The following WDR59 variants were observed in gnomAD, a reference collection of about 807,000 sequenced individuals.
WDR59 encodes the protein GATOR2 complex protein WDR59.
A neutral mutation model predicts 131.2 loss-of-function variants in WDR59; 100 were observed. The observed-to-expected ratio is 0.76, with a 90% CI of 0.65 to 0.90. WDR59 has a LOEUF of 0.90. Among genes scored for constraint, WDR59 ranks in the 40% least tolerant of loss-of-function variants. The pLI is 0.00. For missense variants in WDR59, 1,203 were observed against 1,262.2 expected (o/e 0.95, Z 0.71); for synonymous variants, 601 against 466.2 (o/e 1.29, Z -3.72).
chr16:74,889,514 G>A, intron 21 of WDR59, 189 bp downstream of exon 21: 4 of 567,118 alleles, frequency 7.1e-6, no homozygotes, highest in East Asian at 2.9e-5. Context: ...GACAAGTAAT[G>A]TATGGTTCTG....
At chr16:74,945,812 T>C (rs1016584539) in intron 6 of WDR59, among the ~76,000 whole-genome samples, 3 of 147,312 alleles carry the variant, frequency 2.0e-5, no homozygotes, top group Non-Finnish European at 4.5e-5. Flanking sequence ...CACATTCACA[T>C]AACTTTTTTT....
At chr16:74,941,482 T>C (rs143275837) in intron 7 of WDR59, among the ~76,000 whole-genome samples, 1,878 of 151,828 alleles carry the variant, frequency 0.012, 46 homozygotes, top group African/African-American at 0.043. Flanking sequence ...TCACTTGAGG[T>C]CGGGAGTTCA....
At chr16:74,887,500 C>T (rs1964824007) in intron 23 of WDR59, among the ~76,000 whole-genome samples, 183 bp downstream of exon 23, 1 of 152,208 alleles carries the variant, frequency 6.6e-6, no homozygotes, top group African/African-American at 2.4e-5. Flanking sequence ...CAAAGACCCC[C>T]AGAACGTGGT....
chr16:74,952,766 A>ATT (rs1157372971), intron 3 of WDR59, among the ~76,000 whole-genome samples: 7 of 148,510 alleles, frequency 4.7e-5, no homozygotes, highest in South Asian at 2.1e-4. Context: ...AATTTTTTAA[A>ATT]TTATATATAT....
intron 1 of WDR59, among the ~76,000 whole-genome samples, chr16:74,979,456 ACT>A (rs1270714451): frequency 2.8e-5 from 3 of 106,596 alleles, no homozygotes; most frequent in African/African-American, 6.9e-5. Flanking sequence ...ACAGAGTGAG[ACT>A]CTGTCTCAAA....
chr16:74,924,229 C>T (rs1029694155), intron 8 of WDR59, among the ~76,000 whole-genome samples: 7 of 152,176 alleles, frequency 4.6e-5, no homozygotes, highest in African/African-American at 1.7e-4. Context: ...ATGAGGACCA[C>T]TAAACGCGGC....
At chr16:74,978,897 A>G (rs941046825) in intron 1 of WDR59, 1 of 152,162 alleles carries the variant, frequency 6.6e-6, no homozygotes, top group Non-Finnish European at 1.5e-5. Context: ...GGAGACACGA[A>G]GTAGGCAGCC....
intron 2 of WDR59, among the ~76,000 whole-genome samples, chr16:74,957,410 G>A (rs111250665): frequency 3.3e-5 from 5 of 151,958 alleles, no homozygotes; most frequent in African/African-American, 4.8e-5. Context: ...GCTTCACATC[G>A]CCAGGCTCAG....
Position 74,906,313 on chromosome 16 carries a change from C to CAAAA in WDR59, c.1713-2217_1713-2214dup, listed in dbSNP as rs762288713. ...TGAGCGACAGAGCAAGACTCCGTCT[C>CAAAA]AAAAAAAAAAAAACCCACAGTGAGA... On this transcript the variant is annotated intron_variant, in intron 17 of 25. Coordinates refer to ENST00000262144, the MANE Select transcript of WDR59 (RefSeq NM_030581.4). 2.8e-4 allele frequency among the ~76,000 whole-genome samples: 9 copies of CAAAA among 32,464 alleles called. 1 individual carries two copies. In the Admixed American group the frequency reaches 3.0e-3, roughly 11 times the overall value. 21.3% of individuals were successfully genotyped at this position (32,464 alleles called of 152,430 possible).
Position 74,970,495 on chromosome 16 carries a change from CAAAAAAAAAAAAAAA to C in WDR59, c.55-4688_55-4674del, listed in dbSNP as rs746574195. ...GGGTGACAGAGAGAGACTCTGTCTC[CAAAAAAAAAAAAAAA>C]AAAAAAAAAAAAAAAAAGCAGCTCT... On this transcript the variant is annotated intron_variant, in intron 1 of 25. Coordinates refer to ENST00000262144, the MANE Select transcript of WDR59 (RefSeq NM_030581.4). Among the ~76,000 whole-genome samples, 147 of 33,450 alleles carry C rather than the reference CAAAAAAAAAAAAAAA, an allele frequency of 4.4e-3. 1 individual carries two copies. Among genetic ancestry groups the C allele is most frequent in the South Asian group, 0.029 (24 of 814 alleles). 21.9% of individuals were successfully genotyped at this position (33,450 alleles called of 152,430 possible).
In WDR59 at chr16:74,982,292, C is replaced by T. The variant is rs571701639; in HGVS notation, c.54+2672G>A. On this transcript the variant is annotated intron_variant, in intron 1 of 25. Transcript: ENST00000262144. ...GGGTTCCTGCCCCTTCCAATCATCA[C>T]CAGAATCACCCACAAAACCATGCTA... Among the ~76,000 whole-genome samples, 58 of 152,066 alleles carry T rather than the reference C, an allele frequency of 3.8e-4. 1 individual carries two copies. Among genetic ancestry groups the T allele is most frequent in the African/African-American group, 1.3e-3 (55 of 41,504 alleles).
At chr16:74,979,915 C>T (rs1338712071) in intron 1 of WDR59, among the ~76,000 whole-genome samples, 2 of 140,724 alleles carry the variant, frequency 1.4e-5, no homozygotes, top group African/African-American at 5.3e-5. Flanking sequence ...ATGGCGTGAT[C>T]TCAGCTCACC....
At chr16:74,883,692 C>T (rs1339152456) in intron 25 of WDR59, among the ~76,000 whole-genome samples, 1 of 152,148 alleles carries the variant, frequency 6.6e-6, no homozygotes, top group Non-Finnish European at 1.5e-5. Context: ...ACTCTCTCTG[C>T]CTTGCTCTTC....
intron 2 of WDR59, chr16:74,962,774 C>T (rs377394562): frequency 2.0e-5 from 3 of 147,326 alleles, no homozygotes; most frequent in Admixed American, 6.8e-5. Flanking sequence ...TTTCTTTTTT[C>T]TTTTTTTTTT....
chr16:74,935,923 G>C (rs978848261), intron 8 of WDR59, among the ~76,000 whole-genome samples: 3 of 151,774 alleles, frequency 2.0e-5, no homozygotes, highest in Non-Finnish European at 4.4e-5. Flanking sequence ...CTTGAACCTG[G>C]GAGACGGAGG....
At chr16:74,943,185 AATGACACCT>A (rs1472068320) in intron 6 of WDR59, among the ~76,000 whole-genome samples, 1 of 151,858 alleles carries the variant, frequency 6.6e-6, no homozygotes, top group Non-Finnish European at 1.5e-5. Flanking sequence ...CTCATCCCCA[AATGACACCT>A]GCTCGCACTC....
chr16:74,908,056 T>C (rs1046185325), intron 17 of WDR59, among the ~76,000 whole-genome samples: 1 of 152,120 alleles, frequency 6.6e-6, no homozygotes, highest in African/African-American at 2.4e-5. Flanking sequence ...GACAGAAACA[T>C]GTTCTGTTGT....
intron 1 of WDR59, among the ~76,000 whole-genome samples, chr16:74,981,177 A>G (rs2034389063): frequency 6.6e-6 from 1 of 151,708 alleles, no homozygotes; most frequent in African/African-American, 2.4e-5. Context: ...CATCCTGGCT[A>G]ACACGGTGAA....
chr16:74,923,030 C>T (rs1032466862), intron 9 of WDR59, among the ~76,000 whole-genome samples: 1 of 152,170 alleles, frequency 6.6e-6, no homozygotes, highest in African/African-American at 2.4e-5. Context: ...AGGTTGATAA[C>T]AGCCTACCCA....
Sources: allele counts gnomAD v4.1 joint callset (sites outside exome capture counted in the v4.1 genomes callset), GRCh38; gene constraint gnomAD v4.1.1; transcripts MANE v1.5; gene names NCBI Gene and HGNC (gene_info 2026-07-23, HGNC 2026-07-21).